ST6GAL2: variants seen among roughly 807,000 people sequenced by gnomAD.
ST6GAL2 encodes beta-galactoside alpha-2,6-sialyltransferase 2.
ST6GAL2 carries 24 observed loss-of-function variants against 37.5 expected under a neutral mutation model. The observed-to-expected ratio is 0.64, with a 90% CI of 0.46 to 0.90. The LOEUF is 0.90. Among genes scored for constraint, ST6GAL2 ranks in the 40% least tolerant of loss-of-function variants. The probability of loss-of-function intolerance (pLI) is 0.00; values close to 1 mark genes in which losing one functional copy is unlikely to be tolerated. For missense variants in ST6GAL2, 715 were observed against 712.7 expected, an observed-to-expected ratio of 1.00 and a Z score of -0.04; for synonymous variants, 306 against 295.1, an observed-to-expected ratio of 1.04 and a Z score of -0.38.
chr2:106,841,480 C>T (rs1676881834), intron 2 of ST6GAL2, among the ~76,000 whole-genome samples: 1 of 152,180 alleles, frequency 6.6e-6, no homozygotes, highest in African/African-American at 2.4e-5. Context: ...TTTACTGCTC[C>T]TCGTACAGAA....
chr2:106,826,619 G>A (rs944580803), intron 5 of ST6GAL2, among the ~76,000 whole-genome samples: 2 of 151,778 alleles, frequency 1.3e-5, no homozygotes, highest in South Asian at 2.1e-4. Flanking sequence ...AAGCCATGAA[G>A]GATCTGTCCC....
intron 1 of ST6GAL2, among the ~76,000 whole-genome samples, chr2:106,872,177 T>C (rs1008403962): frequency 3.3e-5 from 5 of 152,288 alleles, no homozygotes; most frequent in Non-Finnish European, 7.3e-5. Flanking sequence ...CGTCTGTCAC[T>C]GACTGAATGT....
chr2:106,876,867 G>A (rs1202749653), intron 1 of ST6GAL2, among the ~76,000 whole-genome samples: 2 of 152,130 alleles, frequency 1.3e-5, no homozygotes, highest in East Asian at 1.9e-4. Flanking sequence ...GGTAGCAGGC[G>A]CCACAGCTTC....
chr2:106,863,877 A>G (rs1330705305), intron 1 of ST6GAL2, among the ~76,000 whole-genome samples: 1 of 152,166 alleles, frequency 6.6e-6, no homozygotes, highest in Non-Finnish European at 1.5e-5. Flanking sequence ...CTACAAAACA[A>G]TATTATTTCT....
chr2:106,822,025 T>C (rs1363633326), intron 5 of ST6GAL2, among the ~76,000 whole-genome samples: 1 of 152,154 alleles, frequency 6.6e-6, no homozygotes, highest in Non-Finnish European at 1.5e-5. Context: ...ATAAAAGCCA[T>C]ATATGACAGA....
At chr2:106,847,464 T>C (rs527864822) in intron 1 of ST6GAL2, among the ~76,000 whole-genome samples, 3 of 152,192 alleles carry the variant, frequency 2.0e-5, no homozygotes, top group Non-Finnish European at 4.4e-5. Context: ...TGCACTGCAG[T>C]ATAATTCTGA....
At chr2:106,831,344 G>T (rs1429621701) in intron 4 of ST6GAL2, among the ~76,000 whole-genome samples, 1 of 152,192 alleles carries the variant, frequency 6.6e-6, no homozygotes, top group African/African-American at 2.4e-5. Context: ...CTGCTGGGTG[G>T]CCAGCTCTGT....
chr2:106,884,930 T>TACAC (rs1305450578), intron 1 of ST6GAL2, among the ~76,000 whole-genome samples: 1 of 124,384 alleles, frequency 8.0e-6, no homozygotes, highest in African/African-American at 3.5e-5. Flanking sequence ...TATATATATA[T>TACAC]ATATACATAC....
chr2:106,831,732 C>T (rs1249717902), intron 4 of ST6GAL2, among the ~76,000 whole-genome samples: 3 of 152,140 alleles, frequency 2.0e-5, no homozygotes, highest in Admixed American at 6.5e-5. Flanking sequence ...CAAAATGCTC[C>T]TTCTCCAGGA....
intron 3 of ST6GAL2, 113 bp from the exon 4 acceptor site, chr2:106,832,779 C>A: frequency 1.4e-6 from 1 of 732,890 alleles, no homozygotes; most frequent in South Asian, 1.5e-5. Context: ...GTGGCTCAGA[C>A]GTTGTATTTT....
intron 1 of ST6GAL2, among the ~76,000 whole-genome samples, chr2:106,861,360 C>T (rs1157415221): frequency 2.6e-5 from 4 of 152,222 alleles, no homozygotes; most frequent in South Asian, 2.1e-4. Context: ...GTGAATAAGT[C>T]ATGGCATATA....
intron 1 of ST6GAL2, among the ~76,000 whole-genome samples, chr2:106,866,199 C>T (rs1226289890): frequency 6.6e-6 from 1 of 152,162 alleles, no homozygotes; most frequent in African/African-American, 2.4e-5. Context: ...AAGAATCCAT[C>T]AGAAGTTTCT....
At chr2:106,829,767 T>C (rs1676342345) in intron 5 of ST6GAL2, among the ~76,000 whole-genome samples, 1 of 152,034 alleles carries the variant, frequency 6.6e-6, no homozygotes, top group African/African-American at 2.4e-5. Context: ...ACATGCCTAA[T>C]CTGAATAACC....
chr2:106,813,252 T>C lies in ST6GAL2; in HGVS notation c.1319-6303A>G, dbSNP rs771525131. ...ATATGAGGGATTCATTTGAAGAAAATAAGTATTAGTATTTTCTAGGCAATT... is the reference window on the plus strand; with the variant it reads ...ATATGAGGGATTCATTTGAAGAAAACAAGTATTAGTATTTTCTAGGCAATT... On this transcript the variant is annotated intron_variant, in intron 5 of 5. Transcript: ENST00000409382. 13 of 1,302,934 alleles carry C rather than the reference T, an allele frequency of 1.0e-5. No homozygotes were observed. The South Asian group carries it at 3.0e-4, about 30-fold the overall frequency. 80.7% of individuals were successfully genotyped at this position (1,302,934 alleles called of 1,614,324 possible). A position where few individuals can be genotyped will look rare whatever the true frequency, so the allele number is the denominator to read the frequency against.
chr2:106,844,099 T>A, intron 1 of ST6GAL2, 65 bp from the exon 2 acceptor site: 1 of 765,624 alleles, frequency 1.3e-6, no homozygotes, highest in Non-Finnish European at 2.1e-6. Flanking sequence ...CTGGGGACAT[T>A]CTATCTTGAG....
chr2:106,874,046 G>A (rs949078740), intron 1 of ST6GAL2, among the ~76,000 whole-genome samples: 1 of 152,120 alleles, frequency 6.6e-6, no homozygotes, highest in Non-Finnish European at 1.5e-5. Context: ...CCATCCATTT[G>A]ACATAGATTT....
intron 1 of ST6GAL2, among the ~76,000 whole-genome samples, chr2:106,872,594 G>GTTAT (rs771908321): frequency 1.0e-3 from 156 of 152,074 alleles, no homozygotes; most frequent in African/African-American, 3.0e-3. Flanking sequence ...ACATCCTTTT[G>GTTAT]TTATTTATTT....
intron 1 of ST6GAL2, among the ~76,000 whole-genome samples, chr2:106,853,764 C>T (rs759383497): frequency 5.3e-5 from 8 of 152,150 alleles, no homozygotes; most frequent in South Asian, 4.2e-4. Flanking sequence ...CAAAGATTCA[C>T]ATATGTGAGC....
intron 1 of ST6GAL2, among the ~76,000 whole-genome samples, chr2:106,852,164 CAGA>C (rs1255165160): frequency 2.1e-4 from 32 of 152,190 alleles, no homozygotes; most frequent in African/African-American, 7.2e-4. Context: ...AGCTAATGTC[CAGA>C]AGAACAGAAA....
Sources: allele counts gnomAD v4.1 joint callset (sites outside exome capture counted in the v4.1 genomes callset), GRCh38; gene constraint gnomAD v4.1.1; transcripts MANE v1.5; gene names NCBI Gene and HGNC (gene_info 2026-07-23, HGNC 2026-07-21).